The following R3HDM2 variants were observed in gnomAD, a reference collection of about 807,000 sequenced individuals.
R3HDM2 encodes the protein R3H domain-containing protein 2.
Under a neutral mutation model 124.5 loss-of-function variants are expected in R3HDM2, and 38 were observed. The ratio of observed to expected loss-of-function variants is 0.31; its 90% CI spans 0.24 to 0.40. The LOEUF is 0.40. Among genes scored for constraint, R3HDM2 ranks in the 10% least tolerant of loss-of-function variants. The pLI is 1.00. For missense variants in R3HDM2, 869 were observed against 1,236.9 expected (o/e 0.70, Z 4.46); for synonymous variants, 391 against 448.0 (o/e 0.87, Z 1.61).
intron 2 of R3HDM2, among the ~76,000 whole-genome samples, chr12:57,379,395 A>C (rs1435264378): frequency 2.0e-5 from 3 of 152,088 alleles, no homozygotes; most frequent in Non-Finnish European, 4.4e-5. Flanking sequence ...AGTCTGACCA[A>C]CATGGAGAAA....
intron 2 of R3HDM2, among the ~76,000 whole-genome samples, chr12:57,386,783 A>G (rs957394404): frequency 2.0e-5 from 3 of 152,204 alleles, no homozygotes; most frequent in Non-Finnish European, 2.9e-5. Flanking sequence ...GGGATTGTAA[A>G]TACACCAATC....
chr12:57,390,245 G>T (rs1194210157), intron 2 of R3HDM2, among the ~76,000 whole-genome samples: 2 of 152,034 alleles, frequency 1.3e-5, no homozygotes, highest in Admixed American at 1.3e-4. Flanking sequence ...TGGGCATCAG[G>T]CAGTGAACGA....
At position 57,256,494 on chromosome 12, in the gene R3HDM2, G is replaced by C. The variant is rs759611039; in HGVS notation, c.2467C>G (p.Leu823Val). 1.9e-6 allele frequency: 3 copies of C among 1,587,128 alleles called. No homozygotes were observed. In the African/African-American group the frequency reaches 4.0e-5, roughly 21 times the overall value. ...GPAQGDGRYS[L>V]LGQPLQYNLS... is the part of the protein sequence containing the mutation. ...TTGTACTGTAATGGCTGGCCCAAAA[G>C]GGAGTAGCGCCCATCACCTAGGGAG... The change falls in exon 22 of 24, where the codon CTT becomes GTT. Residue 823 changes from leucine (L) to valine (V), a missense_variant. Physicochemically the swap from Leu to Val is conservative, Grantham distance 32. This residue lies in a region of R3HDM2 where 602 missense variants were observed against 789.2 expected (regional missense o/e 0.76). Transcript: ENST00000402412.
chr12:57,292,953 T>C (rs1429115702), intron 10 of R3HDM2, among the ~76,000 whole-genome samples: 1 of 141,624 alleles, frequency 7.1e-6, no homozygotes, highest in African/African-American at 2.6e-5. Context: ...TGCTTCCCTC[T>C]AGTAATCAGG....
At chr12:57,334,560 A>G (rs2058619353) in intron 2 of R3HDM2, among the ~76,000 whole-genome samples, 1 of 152,140 alleles carries the variant, frequency 6.6e-6, no homozygotes, top group Non-Finnish European at 1.5e-5. Context: ...CAAATAAGAA[A>G]TGCTGCCATT....
At chr12:57,287,187 A>T (rs1415419983) in intron 12 of R3HDM2, among the ~76,000 whole-genome samples, 1 of 152,212 alleles carries the variant, frequency 6.6e-6, no homozygotes, top group Non-Finnish European at 1.5e-5. Flanking sequence ...GTTTTCTTAC[A>T]TGTAATCCAG....
chr12:57,272,160 A>C (rs2043732698), intron 14 of R3HDM2, among the ~76,000 whole-genome samples: 1 of 152,210 alleles, frequency 6.6e-6, no homozygotes, highest in East Asian at 1.9e-4. Flanking sequence ...TAGGATGTAC[A>C]TCGTAGAGAT....
At position 57,254,966 on chromosome 12, in the gene R3HDM2, T is replaced by TC. The variant is rs767243487; in HGVS notation, c.2779dup (p.Asp927GlyfsTer7). Reference sequence around the variant, plus strand: ...GCCATTCTCAGCAGTCCCACTGTTGTCCCCCCCACCCCCTCCAGGCAGCCC... The same window carrying TC: ...GCCATTCTCAGCAGTCCCACTGTTGTCCCCCCCCACCCCCTCCAGGCAGCCC... On this transcript the variant is annotated frameshift_variant, in exon 24 of 24. Coordinates refer to ENST00000402412, the MANE Select transcript of R3HDM2 (RefSeq NM_001394031.1). LOFTEE classifies it high-confidence loss of function. 2 of 1,612,996 alleles carry TC rather than the reference T, an allele frequency of 1.2e-6. No homozygotes were observed. Among genetic ancestry groups the TC allele is most frequent in the Non-Finnish European group, 8.5e-7 (1 of 1,179,426 alleles).
chr12:57,304,963 C>T (rs2052227549), intron 3 of R3HDM2, among the ~76,000 whole-genome samples: 1 of 152,302 alleles, frequency 6.6e-6, no homozygotes, highest in East Asian at 1.9e-4. Flanking sequence ...GGTGGGCAAT[C>T]ACCTGAAGTC....
Position 57,268,297 on chromosome 12 carries a change from C to G in R3HDM2, c.2030+6G>C. On this transcript the variant is annotated splice_donor_region_variant and intron_variant, in intron 18 of 23. Transcript: ENST00000402412. The stretch of plus-strand genomic sequence containing the variant: ...TGTCCTGTCCTGGCTCTCTGGGAGT[C>G]CTCACCTCGTACCGTTCTGCTGAGC... 1.2e-6 allele frequency: 2 copies of G among 1,612,510 alleles called. No homozygotes were observed.
At chr12:57,395,701 T>C (rs1455083990) in intron 2 of R3HDM2, 48 bp downstream of exon 2, 45 of 800,518 alleles carry the variant, frequency 5.6e-5, no homozygotes, top group Non-Finnish European at 6.7e-5. Context: ...TATAACAATT[T>C]GTTGCCTGGA....
chr12:57,396,535 T>C (rs1402519459), intron 1 of R3HDM2, among the ~76,000 whole-genome samples: 1 of 151,950 alleles, frequency 6.6e-6, no homozygotes, highest in Non-Finnish European at 1.5e-5. Context: ...TCCCAGCACT[T>C]TGGGAGGCCC....
intron 1 of R3HDM2, chr12:57,430,413 A>C: frequency 1.8e-6 from 1 of 567,440 alleles, no homozygotes; most frequent in Non-Finnish European, 2.2e-6. Flanking sequence ...ACACGGAGCT[A>C]GCCACCCCGA....
chr12:57,328,885 A>C (rs530022759), intron 2 of R3HDM2, among the ~76,000 whole-genome samples: 1 of 152,330 alleles, frequency 6.6e-6, no homozygotes, highest in Admixed American at 6.5e-5. Flanking sequence ...GCACTGAGAC[A>C]CAAAATATTT....
At chr12:57,334,087 A>C (rs938707779) in intron 2 of R3HDM2, among the ~76,000 whole-genome samples, 7 of 151,982 alleles carry the variant, frequency 4.6e-5, no homozygotes, top group African/African-American at 1.2e-4. Context: ...TATAAAAAAA[A>C]CCTCCTCTAG....
chr12:57,277,820 T>TAGGA (rs2045208881), intron 14 of R3HDM2, among the ~76,000 whole-genome samples: 1 of 152,232 alleles, frequency 6.6e-6, no homozygotes, highest in African/African-American at 2.4e-5. Flanking sequence ...TGATCACTTC[T>TAGGA]TTAATCCTAG....
At chr12:57,359,770 A>G (rs1566326206) in intron 2 of R3HDM2, among the ~76,000 whole-genome samples, 1 of 98,622 alleles carries the variant, frequency 1.0e-5, no homozygotes, top group Non-Finnish European at 2.5e-5. Flanking sequence ...TTTTAGATTA[A>G]TTAAGCATTC....
rs1403496780 is a variant in R3HDM2 at position 57,360,006 on chromosome 12, A to AATAAATAT, written c.-36+35742_-36+35743insATATTTAT. Among the ~76,000 whole-genome samples, 54 of 117,674 alleles carry AATAAATAT rather than the reference A, an allele frequency of 4.6e-4. 2 individuals are homozygous for AATAAATAT. Among genetic ancestry groups the AATAAATAT allele is most frequent in the Admixed American group, 2.8e-3 (29 of 10,470 alleles). The allele number at this position is 117,674 out of a possible 152,430, so 77.2% of individuals were successfully genotyped here. On this transcript the variant is annotated intron_variant, in intron 2 of 23. Transcript: ENST00000402412. ...ATTGTTTTCAGTAAATAAATAAATA[A>AATAAATAT]ATATATATATATATATACACACATA... is the stretch of plus-strand genomic sequence containing the variant.
intron 14 of R3HDM2, among the ~76,000 whole-genome samples, chr12:57,270,613 A>T (rs1163615912): frequency 6.6e-6 from 1 of 151,836 alleles, no homozygotes; most frequent in Non-Finnish European, 1.5e-5. Flanking sequence ...TTGTATTTTT[A>T]GTAGAGTCGG....
Sources: gnomAD v4.1 joint callset for allele counts (sites outside exome capture counted in the v4.1 genomes callset) on GRCh38, gnomAD v4.1.1 for gene constraint, gnomAD v4.1.1 regional missense constraint, MANE v1.5 for transcripts, NCBI Gene and HGNC (gene_info 2026-07-23, HGNC 2026-07-21) for gene names.